SCHIP1: variants seen among roughly 807,000 people sequenced by gnomAD.
The protein encoded by SCHIP1 is schwannomin-interacting protein 1.
Under a neutral mutation model 29.7 loss-of-function variants are expected in SCHIP1, and 8 were observed. The ratio of observed to expected loss-of-function variants is 0.27; its 90% CI spans 0.16 to 0.49. The LOEUF is 0.49. SCHIP1 is among the 20% of genes least tolerant of loss of function. The probability of loss-of-function intolerance (pLI) is 0.99; values close to 1 mark genes in which losing one functional copy is unlikely to be tolerated. For synonymous variants in SCHIP1, 76 were observed against 94.9 expected (o/e 0.80, Z 1.16); for missense variants, 193 against 294.6 (o/e 0.66, Z 2.52).
At chr3:159,492,897 G>A in the SCHIP1 span, among the ~76,000 whole-genome samples, 2 of 152,208 alleles carry the variant, frequency 1.3e-5, no homozygotes, top group African/African-American at 2.4e-5. Context: ...ACTAACAGCT[G>A]ATCTCTCAGC....
At chr3:159,425,166 G>T in the SCHIP1 span, among the ~76,000 whole-genome samples, 1 of 151,796 alleles carries the variant, frequency 6.6e-6, no homozygotes, top group Admixed American at 6.6e-5. Context: ...ACACCATAAT[G>T]ACAGGATCAA....
chr3:159,579,486 G>A, the SCHIP1 span, among the ~76,000 whole-genome samples: 1 of 152,172 alleles, frequency 6.6e-6, no homozygotes, highest in Non-Finnish European at 1.5e-5. Context: ...AGACATTCGT[G>A]AGAGCTGAAA....
intron 6 of SCHIP1, chr3:159,893,578 T>A (rs983268941): frequency 6.6e-6 from 1 of 152,134 alleles, no homozygotes; most frequent in Non-Finnish European, 1.5e-5. Context: ...CTTTTCTCTG[T>A]CTCTCAGAAT....
the SCHIP1 span, among the ~76,000 whole-genome samples, chr3:159,406,728 A>G: frequency 2.0e-5 from 3 of 152,222 alleles, no homozygotes; most frequent in African/African-American, 7.2e-5. Context: ...AGAAAAAACA[A>G]AAAGTTAAAA....
At chr3:159,744,459 A>G in the SCHIP1 span, among the ~76,000 whole-genome samples, 3 of 152,220 alleles carry the variant, frequency 2.0e-5, no homozygotes, top group East Asian at 1.9e-4. Context: ...TGCTGACTAG[A>G]AAAAATTCTG....
the SCHIP1 span, among the ~76,000 whole-genome samples, chr3:159,633,693 T>C: frequency 6.6e-6 from 1 of 152,126 alleles, no homozygotes; most frequent in Non-Finnish European, 1.5e-5. Context: ...AGAAATATAT[T>C]TTTCCATATA....
At chr3:159,372,358 C>A in the SCHIP1 span, among the ~76,000 whole-genome samples, 33 of 151,932 alleles carry the variant, frequency 2.2e-4, no homozygotes, top group East Asian at 5.2e-3. Context: ...TTGGCACTGG[C>A]GTTAATAAAG....
At chr3:159,704,417 T>TAAAAAAAAAAAAAAAAAAAAAAAAA in the SCHIP1 span, among the ~76,000 whole-genome samples, 1 of 92,620 alleles carries the variant, frequency 1.1e-5, no homozygotes, top group African/African-American at 4.1e-5. Context: ...CAATTTTTTC[T>TAAAAAAAAAAAAAAAAAAAAAAAAA]AAAAAAAAAA....
the SCHIP1 span, among the ~76,000 whole-genome samples, chr3:159,465,032 C>A: frequency 5.9e-5 from 9 of 152,116 alleles, no homozygotes; most frequent in Non-Finnish European, 1.2e-4. Context: ...GCAGTCACCT[C>A]CTACTCTTCC....
At chr3:159,854,563 A>C (rs909106599) in intron 1 of SCHIP1, among the ~76,000 whole-genome samples, 3 of 152,208 alleles carry the variant, frequency 2.0e-5, no homozygotes, top group African/African-American at 7.2e-5. Flanking sequence ...AATGAGCACC[A>C]AGGTGATAGT....
the SCHIP1 span, among the ~76,000 whole-genome samples, chr3:159,574,195 T>C: frequency 1.3e-5 from 2 of 152,250 alleles, no homozygotes; most frequent in African/African-American, 2.4e-5. Flanking sequence ...AGAGGCACTC[T>C]GGTTTTTAGA....
At chr3:159,744,002 T>A in the SCHIP1 span, among the ~76,000 whole-genome samples, 1 of 152,130 alleles carries the variant, frequency 6.6e-6, no homozygotes, top group African/African-American at 2.4e-5. Flanking sequence ...ACAGTATATA[T>A]ACTGTACTGT....
the SCHIP1 span, among the ~76,000 whole-genome samples, chr3:159,706,319 G>C: frequency 1.2e-4 from 18 of 152,256 alleles, no homozygotes; most frequent in African/African-American, 4.1e-4. Context: ...GGGTGAATGA[G>C]AATTTTTGGC....
the SCHIP1 span, among the ~76,000 whole-genome samples, chr3:159,294,991 A>G: frequency 6.6e-3 from 1,007 of 152,108 alleles, 6 homozygotes; most frequent in Non-Finnish European, 8.1e-3. Flanking sequence ...CCTCATTACA[A>G]TTTTTTCTTA....
At chr3:159,742,308 G>A in the SCHIP1 span, among the ~76,000 whole-genome samples, 4 of 152,164 alleles carry the variant, frequency 2.6e-5, no homozygotes, top group South Asian at 2.1e-4. Context: ...CGCAGGACCG[G>A]GACAAGAAGA....
the SCHIP1 span, among the ~76,000 whole-genome samples, chr3:159,785,209 A>T: frequency 2.4e-4 from 37 of 152,358 alleles, no homozygotes; most frequent in African/African-American, 8.7e-4. Context: ...TGAATAAAAT[A>T]AAAAGGTTGC....
At chr3:159,694,540 GAAAGAAA>G in the SCHIP1 span, among the ~76,000 whole-genome samples, 15 of 4,872 alleles carry the variant, frequency 3.1e-3, no homozygotes, top group African/African-American at 6.1e-3. Context: ...GAAAAGACAA[GAAAGAAA>G]GAAAGAAAGA....
chr3:159,678,996 C>T, the SCHIP1 span, among the ~76,000 whole-genome samples: 1 of 152,202 alleles, frequency 6.6e-6, no homozygotes, highest in Non-Finnish European at 1.5e-5. Context: ...TGAGATTTGG[C>T]TGGGGACCCA....
the SCHIP1 span, among the ~76,000 whole-genome samples, chr3:159,562,560 C>A: frequency 6.6e-6 from 1 of 152,166 alleles, no homozygotes; most frequent in Non-Finnish European, 1.5e-5. Flanking sequence ...GTGGCACAAT[C>A]GATCAAGACA....
Sources: allele counts gnomAD v4.1 joint callset (sites outside exome capture counted in the v4.1 genomes callset), GRCh38; gene constraint gnomAD v4.1.1; transcripts MANE v1.5; gene names NCBI Gene and HGNC (gene_info 2026-07-23, HGNC 2026-07-21).